Variants in AOPEP observed in about 807,000 individuals in gnomAD.
AOPEP encodes aminopeptidase O (putative), also known as aminopeptidase O.
AOPEP carries 77 observed loss-of-function variants against 98.1 expected under a neutral mutation model. The observed-to-expected ratio is 0.78, with a 90% CI of 0.65 to 0.95. The LOEUF (loss-of-function observed/expected upper bound fraction) is 0.95, where lower values mean the gene tolerates loss of function less well. AOPEP is among the 40% of genes least tolerant of loss of function. The probability of loss-of-function intolerance (pLI) is 0.00; values close to 1 mark genes in which losing one functional copy is unlikely to be tolerated. For missense variants in AOPEP, 1,024 were observed against 1,024.7 expected, an observed-to-expected ratio of 1.00 and a Z score of 0.01; for synonymous variants, 346 against 365.3, an observed-to-expected ratio of 0.95 and a Z score of 0.60.
At chr9:94,748,483 T>C (rs1285428870) in intron 1 of AOPEP, among the ~76,000 whole-genome samples, 2 of 152,254 alleles carry the variant, frequency 1.3e-5, no homozygotes, top group South Asian at 2.1e-4. Context: ...GCAAACATAG[T>C]ATAGGGAGTT....
the AOPEP span, among the ~76,000 whole-genome samples, chr9:95,098,007 G>A: frequency 6.6e-6 from 1 of 152,092 alleles, no homozygotes. Flanking sequence ...GGTGGTCCTG[G>A]GCTGGAAACA....
At chr9:94,754,395 C>T (rs933171300) in intron 1 of AOPEP, among the ~76,000 whole-genome samples, 1 of 152,212 alleles carries the variant, frequency 6.6e-6, no homozygotes, top group Admixed American at 6.5e-5. Context: ...AACTACTCAA[C>T]AGTGTGCTCT....
intron 5 of AOPEP, among the ~76,000 whole-genome samples, chr9:94,890,410 G>A (rs938057669): frequency 6.6e-6 from 1 of 151,960 alleles, no homozygotes; most frequent in Non-Finnish European, 1.5e-5. Context: ...TGATCCACCC[G>A]CCTCAGCCTC....
chr9:94,829,195 TACACAC>T (rs137955329), intron 5 of AOPEP, among the ~76,000 whole-genome samples: 13 of 150,440 alleles, frequency 8.6e-5, no homozygotes, highest in African/African-American at 1.5e-4. Context: ...TAAACCAGTT[TACACAC>T]ACACACACAC....
chr9:94,928,325 G>A, intron 6 of AOPEP, 100 bp from the exon 7 acceptor site: 1 of 811,208 alleles, frequency 1.2e-6, no homozygotes, highest in Non-Finnish European at 2.0e-6. Context: ...GCAGGGGCAG[G>A]CTATCTTGTC....
intron 5 of AOPEP, among the ~76,000 whole-genome samples, chr9:94,805,477 G>GT (rs556972027): frequency 6.8e-6 from 1 of 147,930 alleles, no homozygotes; most frequent in Non-Finnish European, 1.5e-5. Context: ...AAGGTTTTTT[G>GT]TTTTTTGTTT....
chr9:94,970,970 C>A (rs1019422414), intron 10 of AOPEP, among the ~76,000 whole-genome samples: 2 of 152,110 alleles, frequency 1.3e-5, no homozygotes, highest in Non-Finnish European at 2.9e-5. Context: ...TGCATTCTTT[C>A]AAAAGAACTT....
At chr9:95,004,228 G>C (rs1301770322) in intron 11 of AOPEP, 1 of 456,364 alleles carries the variant, frequency 2.2e-6, no homozygotes, top group Non-Finnish European at 4.4e-6. Flanking sequence ...CTGCTGATGC[G>C]GATGAGAAGG....
At chr9:94,845,959 G>A (rs2042811167) in intron 5 of AOPEP, among the ~76,000 whole-genome samples, 1 of 152,136 alleles carries the variant, frequency 6.6e-6, no homozygotes, top group Admixed American at 6.5e-5. Context: ...GTCAGGCGTG[G>A]TGTCGGGTGC....
intron 1 of AOPEP, among the ~76,000 whole-genome samples, chr9:94,733,638 CTG>C (rs1831076692): frequency 1.3e-5 from 2 of 152,146 alleles, no homozygotes; most frequent in African/African-American, 4.8e-5. Flanking sequence ...GGAAAATAAA[CTG>C]TTGAAACTTA....
chr9:94,781,258 A>G (rs1054234004), intron 3 of AOPEP, among the ~76,000 whole-genome samples: 1 of 152,178 alleles, frequency 6.6e-6, no homozygotes, highest in East Asian at 1.9e-4. Context: ...CTACCAAAAT[A>G]TAGCTAAACT....
chr9:94,770,200 T>C (rs1211887539), intron 2 of AOPEP, among the ~76,000 whole-genome samples: 1 of 152,222 alleles, frequency 6.6e-6, no homozygotes, highest in Admixed American at 6.5e-5. Flanking sequence ...GTGCATGCCC[T>C]CCACCTTTCT....
intron 5 of AOPEP, among the ~76,000 whole-genome samples, chr9:94,907,843 A>G (rs2051398193): frequency 6.6e-6 from 1 of 152,144 alleles, no homozygotes; most frequent in Non-Finnish European, 1.5e-5. Flanking sequence ...TAAGGGCAAG[A>G]TTAGTCCCCA....
At chr9:94,750,977 G>C (rs916092141) in intron 1 of AOPEP, among the ~76,000 whole-genome samples, 3 of 151,948 alleles carry the variant, frequency 2.0e-5, no homozygotes, top group African/African-American at 7.2e-5. Flanking sequence ...TTGATCTCCT[G>C]ACCTCGTGAT....
At chr9:94,931,969 C>T (rs865802110) in intron 7 of AOPEP, 1 of 1,134,388 alleles carries the variant, frequency 8.8e-7, no homozygotes, top group African/African-American at 1.6e-5. Flanking sequence ...GTCTAACCTC[C>T]TCTAGCTGAT....
chr9:95,103,953 A>C, the AOPEP span, among the ~76,000 whole-genome samples: 2 of 152,178 alleles, frequency 1.3e-5, no homozygotes, highest in African/African-American at 2.4e-5. Flanking sequence ...TCTGGATGCC[A>C]AGATAGAGGG....
At chr9:94,751,629 A>G (rs1389528287) in intron 1 of AOPEP, among the ~76,000 whole-genome samples, 4 of 152,046 alleles carry the variant, frequency 2.6e-5, no homozygotes, top group African/African-American at 7.2e-5. Flanking sequence ...CTTTGCACAT[A>G]TTGTTAACCT....
intron 11 of AOPEP, among the ~76,000 whole-genome samples, chr9:94,996,864 T>C (rs187787857): frequency 6.6e-6 from 1 of 152,202 alleles, no homozygotes; most frequent in South Asian, 2.1e-4. Context: ...CAGCATGGGT[T>C]GCTTCCTGAA....
chr9:94,920,983 A>G (rs1198646708), intron 5 of AOPEP, among the ~76,000 whole-genome samples: 1 of 152,016 alleles, frequency 6.6e-6, no homozygotes, highest in Non-Finnish European at 1.5e-5. Flanking sequence ...TGGGGAATAG[A>G]AGCAAGAGGG....
Sources: allele counts gnomAD v4.1 joint callset (sites outside exome capture counted in the v4.1 genomes callset), GRCh38; gene constraint gnomAD v4.1.1; transcripts MANE v1.5; gene names NCBI Gene and HGNC (gene_info 2026-07-23, HGNC 2026-07-21).